Variants in AUH observed in about 807,000 individuals in gnomAD.
The protein encoded by AUH is methylglutaconyl-CoA hydratase, mitochondrial.
AUH carries 29 observed loss-of-function variants against 42.3 expected under a neutral mutation model. The observed-to-expected ratio is 0.69, with a 90% CI of 0.51 to 0.93. The LOEUF is 0.93. Ranked by LOEUF, AUH falls within the 40% of genes least tolerant of loss-of-function variation. The pLI is 0.00. For missense variants in AUH, 452 were observed against 438.1 expected (o/e 1.03, Z -0.28); for synonymous variants, 174 against 166.4 (o/e 1.05, Z -0.35).
intron 3 of AUH, among the ~76,000 whole-genome samples, chr9:91,344,322 T>C (rs1392179815): frequency 6.6e-6 from 1 of 152,182 alleles, no homozygotes; most frequent in African/African-American, 2.4e-5. Context: ...GAAGGCCCCC[T>C]ATCCCTCACT....
At chr9:91,310,058 C>G (rs2131747089) in intron 4 of AUH, among the ~76,000 whole-genome samples, 1 of 152,324 alleles carries the variant, frequency 6.6e-6, no homozygotes, top group Middle Eastern at 3.4e-3. Flanking sequence ...CCGAATTCAT[C>G]TGCACTTGGA....
chr9:91,320,227 G>A (rs1829464170), intron 4 of AUH, among the ~76,000 whole-genome samples: 1 of 151,976 alleles, frequency 6.6e-6, no homozygotes, highest in African/African-American at 2.4e-5. Context: ...ACAAATATAC[G>A]GTTTTAGAAT....
At chr9:91,337,625 G>A (rs867707884) in intron 3 of AUH, among the ~76,000 whole-genome samples, 2 of 152,160 alleles carry the variant, frequency 1.3e-5, no homozygotes, top group African/African-American at 4.8e-5. Context: ...TATAAAGCTG[G>A]CAAACAGAGT....
At chr9:91,215,382 C>A (rs1208934535) in intron 9 of AUH, among the ~76,000 whole-genome samples, 1 of 152,134 alleles carries the variant, frequency 6.6e-6, no homozygotes, top group Admixed American at 6.5e-5. Flanking sequence ...TACCTACGCA[C>A]ATCCTCCTGT....
chr9:91,251,800 G>T (rs1452252066), intron 6 of AUH, among the ~76,000 whole-genome samples: 1 of 150,600 alleles, frequency 6.6e-6, no homozygotes, highest in African/African-American at 2.4e-5. Context: ...CTGTGATTAT[G>T]TAATTATAAT....
chr9:91,360,310 C>T (rs1423955042), intron 1 of AUH: 3 of 152,214 alleles, frequency 2.0e-5, no homozygotes, highest in African/African-American at 7.2e-5. Flanking sequence ...GCTCTAATCA[C>T]TCCAGTGCTA....
chr9:91,301,852 C>T (rs1175431453), intron 4 of AUH, among the ~76,000 whole-genome samples: 1 of 152,194 alleles, frequency 6.6e-6, no homozygotes, highest in South Asian at 2.1e-4. Flanking sequence ...GATACTAATT[C>T]TCATATTATT....
chr9:91,359,015 T>G (rs1325125683), intron 1 of AUH, among the ~76,000 whole-genome samples: 2 of 152,174 alleles, frequency 1.3e-5, no homozygotes, highest in African/African-American at 4.8e-5. Context: ...TCACATAACC[T>G]AGAAAGTTTA....
At chr9:91,231,254 C>T (rs535132142) in intron 6 of AUH, among the ~76,000 whole-genome samples, 16 of 152,272 alleles carry the variant, frequency 1.1e-4, no homozygotes, top group Middle Eastern at 6.8e-3. Flanking sequence ...TCTCGTGGTG[C>T]GCCGTTTTTT....
chr9:91,279,816 C>T (rs1825825523), intron 6 of AUH, among the ~76,000 whole-genome samples: 1 of 152,206 alleles, frequency 6.6e-6, no homozygotes, highest in African/African-American at 2.4e-5. Context: ...CTCCAAAGCA[C>T]ATGCCATGAG....
intron 6 of AUH, among the ~76,000 whole-genome samples, chr9:91,227,683 G>T (rs1827593372): frequency 6.7e-6 from 1 of 148,462 alleles, no homozygotes; most frequent in Non-Finnish European, 1.5e-5. Flanking sequence ...GATATTGGCT[G>T]TGGGTTTGTC....
At chr9:91,361,122 C>A (rs1309725281) in intron 1 of AUH, among the ~76,000 whole-genome samples, 1 of 152,180 alleles carries the variant, frequency 6.6e-6, no homozygotes, top group Admixed American at 6.5e-5. Context: ...GTGGAACAGT[C>A]CCTCAAGACT....
At chr9:91,294,102 T>C (rs1023608599) in intron 6 of AUH, among the ~76,000 whole-genome samples, 1 of 152,206 alleles carries the variant, frequency 6.6e-6, no homozygotes, top group Admixed American at 6.5e-5. Context: ...AAAAAAGAGT[T>C]CTTTCAAAAT....
At chr9:91,226,542 G>A (rs1587636986) in intron 6 of AUH, among the ~76,000 whole-genome samples, 2 of 149,420 alleles carry the variant, frequency 1.3e-5, no homozygotes, top group Non-Finnish European at 3.0e-5. Flanking sequence ...CTGTGCAGAA[G>A]CTCTTTAGTT....
chr9:91,310,138 T>C (rs148697708), intron 4 of AUH, among the ~76,000 whole-genome samples: 71 of 152,322 alleles, frequency 4.7e-4, no homozygotes, highest in Middle Eastern at 3.4e-3. Context: ...CATCCCAATC[T>C]AGCAAAGGAT....
At chr9:91,215,620 C>T (rs2131185540) in intron 9 of AUH, among the ~76,000 whole-genome samples, 1 of 152,142 alleles carries the variant, frequency 6.6e-6, no homozygotes, top group South Asian at 2.1e-4. Flanking sequence ...AAAAATAAAA[C>T]TATAATTTCA....
intron 6 of AUH, among the ~76,000 whole-genome samples, chr9:91,239,359 T>A (rs1311520555): frequency 6.6e-6 from 1 of 152,202 alleles, no homozygotes. Flanking sequence ...AAATCTTCTC[T>A]CATAAATAGA....
intron 3 of AUH, among the ~76,000 whole-genome samples, chr9:91,355,541 G>C (rs1281260362): frequency 6.7e-6 from 1 of 150,180 alleles, no homozygotes; most frequent in Non-Finnish European, 1.5e-5. Flanking sequence ...GACAGAGCAA[G>C]ACTCTATCTC....
At chr9:91,358,682 T>C (rs1285961650) in intron 1 of AUH, among the ~76,000 whole-genome samples, 1 of 152,248 alleles carries the variant, frequency 6.6e-6, no homozygotes, top group African/African-American at 2.4e-5. Context: ...CTAGATATGA[T>C]AATGCTGACA....
Sources: allele counts gnomAD v4.1 joint callset (sites outside exome capture counted in the v4.1 genomes callset), GRCh38; gene constraint gnomAD v4.1.1; transcripts MANE v1.5; gene names NCBI Gene and HGNC (gene_info 2026-07-23, HGNC 2026-07-21).